Variants in EXT2 observed in about 807,000 individuals in gnomAD.
EXT2 encodes the protein exostosin-2.
A neutral mutation model predicts 81.6 loss-of-function variants in EXT2; 53 were observed. The ratio of observed to expected loss-of-function variants is 0.65; its 90% CI spans 0.52 to 0.82. The LOEUF (loss-of-function observed/expected upper bound fraction) is 0.82. EXT2 is among the 40% of genes least tolerant of loss of function. EXT2 has a pLI of 0.00. For missense variants in EXT2, 774 were observed against 910.2 expected (o/e 0.85, Z 1.93); for synonymous variants, 320 against 340.0 (o/e 0.94, Z 0.65).
intron 3 of EXT2, among the ~76,000 whole-genome samples, chr11:44,113,243 T>C (rs369176483): frequency 6.6e-6 from 1 of 152,132 alleles, no homozygotes; most frequent in East Asian, 1.9e-4. Flanking sequence ...GAAGGGAATG[T>C]AGGTTGTCAT....
rs79916850 is a variant in EXT2, at chr11:44,251,516, G to C, written c.*7229G>C. Among the ~76,000 whole-genome samples the C allele has an allele frequency of 6.6e-6, 1 of 152,052 alleles. No homozygotes were observed. The highest frequency in any genetic ancestry group is 6.5e-5 in the Admixed American group (1 of 15,274). ...CATGAGACCATTATGAGCAGGACAC[G>C]ACATTGTTTCACACCTTGGGCTGTG... On this transcript the variant is annotated 3_prime_UTR_variant, in exon 14 of 14. Transcript: ENST00000533608.
intron 7 of EXT2, among the ~76,000 whole-genome samples, chr11:44,163,293 CTAAAAG>C (rs1954951462): frequency 1.3e-5 from 2 of 152,266 alleles, no homozygotes; most frequent in South Asian, 4.1e-4. Flanking sequence ...TAATTCTAAA[CTAAAAG>C]TAAGGATGCT....
chr11:44,194,549 T>C (rs1026225385), intron 8 of EXT2, among the ~76,000 whole-genome samples: 1 of 152,194 alleles, frequency 6.6e-6, no homozygotes, highest in Admixed American at 6.5e-5. Flanking sequence ...GAAATCAGAT[T>C]GCTTGAGTTG....
intron 10 of EXT2, among the ~76,000 whole-genome samples, chr11:44,212,548 A>G (rs1955663344): frequency 6.6e-6 from 1 of 152,104 alleles, no homozygotes; most frequent in Non-Finnish European, 1.5e-5. Context: ...ACTGGTGAAA[A>G]TGTGAACTGG....
chr11:44,222,163 T>C (rs555972354), intron 10 of EXT2, among the ~76,000 whole-genome samples: 1 of 152,264 alleles, frequency 6.6e-6, no homozygotes, highest in Admixed American at 6.5e-5. Context: ...TATTTCTAGG[T>C]TCCCAACCAG....
intron 6 of EXT2, among the ~76,000 whole-genome samples, chr11:44,128,523 A>G (rs1331562164): frequency 2.0e-5 from 3 of 152,194 alleles, no homozygotes; most frequent in Non-Finnish European, 4.4e-5. Context: ...GTGGTGGAAG[A>G]CAGAGGAGTA....
rs549433294 is a variant in EXT2, at chr11:44,153,069, T to C, written c.1174-18542T>C. On this transcript the variant is annotated intron_variant, in intron 7 of 13. Transcript: ENST00000533608. ...TAGCCACAAAATAACTTGCTGAGAT[T>C]TTTACTGAAATTTTGTTGAATCTAT... 1.1e-4 allele frequency among the ~76,000 whole-genome samples: 16 copies of C among 152,304 alleles called. No individual in the cohort carries two copies. In the South Asian group the frequency reaches 1.9e-3, roughly 18 times the overall value.
chr11:44,132,562 G>T (rs1405991568), intron 7 of EXT2, among the ~76,000 whole-genome samples: 1 of 152,066 alleles, frequency 6.6e-6, no homozygotes, highest in Non-Finnish European at 1.5e-5. Context: ...CATGTTCCAT[G>T]TGGCTGTTAA....
intron 7 of EXT2, among the ~76,000 whole-genome samples, chr11:44,149,311 G>A (rs1481730500): frequency 6.6e-6 from 1 of 152,212 alleles, no homozygotes; most frequent in Non-Finnish European, 1.5e-5. Flanking sequence ...GTAGTGATCT[G>A]TGATCATGCC....
intron 10 of EXT2, among the ~76,000 whole-genome samples, chr11:44,213,034 A>T (rs1014027687): frequency 6.6e-6 from 1 of 152,178 alleles, no homozygotes; most frequent in Non-Finnish European, 1.5e-5. Flanking sequence ...GATAGTTTTT[A>T]TTGTAAGTAA....
chr11:44,143,613 G>A (rs1026723741), intron 7 of EXT2, among the ~76,000 whole-genome samples: 8 of 152,158 alleles, frequency 5.3e-5, no homozygotes, highest in Non-Finnish European at 1.0e-4. Context: ...GTCTTCCCTC[G>A]GAATCACCAG....
At chr11:44,178,940 T>C (rs968230439) in intron 8 of EXT2, among the ~76,000 whole-genome samples, 1 of 152,200 alleles carries the variant, frequency 6.6e-6, no homozygotes. Context: ...TACCCTAAAT[T>C]CCAGACCTTT....
chr11:44,100,592 T>C (rs1953967585), intron 1 of EXT2, among the ~76,000 whole-genome samples: 1 of 152,216 alleles, frequency 6.6e-6, no homozygotes, highest in African/African-American at 2.4e-5. Context: ...GAGAATGCCA[T>C]GCCCAGATCA....
At chr11:44,215,420 T>A (rs1029279101) in intron 10 of EXT2, among the ~76,000 whole-genome samples, 7 of 152,230 alleles carry the variant, frequency 4.6e-5, no homozygotes, top group African/African-American at 1.7e-4. Context: ...ATAGTTTTTT[T>A]ATGGATTTCT....
intron 8 of EXT2, among the ~76,000 whole-genome samples, chr11:44,191,459 T>A (rs575839030): frequency 6.6e-5 from 10 of 152,256 alleles, no homozygotes; most frequent in Non-Finnish European, 1.5e-4. Flanking sequence ...TCTCCAGCTC[T>A]GTTGCTGGAT....
At chr11:44,233,000 A>G (rs1420679465) in intron 11 of EXT2, among the ~76,000 whole-genome samples, 1 of 152,180 alleles carries the variant, frequency 6.6e-6, no homozygotes, top group Non-Finnish European at 1.5e-5. Context: ...AATAACGCTT[A>G]ATATCTAATG....
At chr11:44,198,811 G>A (rs1007530563) in intron 9 of EXT2, among the ~76,000 whole-genome samples, 4 of 152,204 alleles carry the variant, frequency 2.6e-5, no homozygotes, top group Admixed American at 2.6e-4. Context: ...CCTGACAGTA[G>A]TATCTGCACT....
chr11:44,129,953 T>C, intron 6 of EXT2, 92 bp from the exon 7 acceptor site: 1 of 981,332 alleles, frequency 1.0e-6, no homozygotes, highest in Non-Finnish European at 1.6e-6. Flanking sequence ...TTTGGGATGT[T>C]GTTTCTGCTT....
At chr11:44,206,986 A>T (rs371357497) in intron 10 of EXT2, 27 bp downstream of exon 10, 252 of 1,604,462 alleles carry the variant, frequency 1.6e-4, no homozygotes, top group Non-Finnish European at 2.0e-4. Context: ...CAGTGTGTTT[A>T]TATGTTTAAT....
Sources: allele counts gnomAD v4.1 joint callset (sites outside exome capture counted in the v4.1 genomes callset), GRCh38; gene constraint gnomAD v4.1.1; transcripts MANE v1.5; gene names NCBI Gene and HGNC (gene_info 2026-07-23, HGNC 2026-07-21).